The following FKTN variants were observed in gnomAD, a reference collection of about 807,000 sequenced individuals.
The protein encoded by FKTN is ribitol-5-phosphate transferase FKTN.
Under a neutral mutation model 58.6 loss-of-function variants are expected in FKTN, and 47 were observed. The ratio of observed to expected loss-of-function variants is 0.80; its 90% CI spans 0.63 to 1.02. FKTN has a LOEUF of 1.02. Among genes scored for constraint, FKTN ranks in the 50% least tolerant of loss-of-function variants. FKTN has a pLI of 0.00. For missense variants in FKTN, 516 were observed against 537.3 expected, an observed-to-expected ratio of 0.96 and a Z score of 0.39; for synonymous variants, 178 against 191.9, an observed-to-expected ratio of 0.93 and a Z score of 0.60.
Position 105,640,208 on chromosome 9 carries a change from T to C in FKTN, c.*4944T>C, listed in dbSNP as rs2133490766. 1 of 1,520,028 alleles carries C rather than the reference T, an allele frequency of 6.6e-7. No individual in the cohort carries two copies. The highest frequency in any genetic ancestry group is 8.8e-7 in the Non-Finnish European group (1 of 1,137,472). 94.2% of individuals were successfully genotyped at this position (1,520,028 alleles called of 1,614,324 possible). ...AGACTAATTCAATGGCAATACCTTT[T>C]GTATAGGTCCTGTGCTTAAAGGAGG... On this transcript the variant is annotated 3_prime_UTR_variant, in exon 11 of 11. Transcript: ENST00000357998.
At position 105,598,369 on chromosome 9, in the gene FKTN, C is replaced by T. The variant is rs577452167; in HGVS notation, c.165+1712C>T. On this transcript the variant is annotated intron_variant, in intron 4 of 10. Coordinates refer to ENST00000357998, the MANE Select transcript of FKTN (RefSeq NM_001079802.2). ...ATTGAGCCCTGGTAAAATTCTAGGGCTCAATGTTTATGGAGTTATTAAACA... is the reference window on the plus strand; with the variant it reads ...ATTGAGCCCTGGTAAAATTCTAGGGTTCAATGTTTATGGAGTTATTAAACA... 5 of 187,876 alleles carry T rather than the reference C, an allele frequency of 2.7e-5. No homozygotes were observed. In the South Asian group the frequency reaches 3.5e-4, roughly 13 times the overall value. The allele number at this position is 187,876 out of a possible 1,614,324, so 11.6% of individuals were successfully genotyped here.
chr9:105,562,919 T>C (rs1838563736), intron 1 of FKTN, among the ~76,000 whole-genome samples: 1 of 152,216 alleles, frequency 6.6e-6, no homozygotes, highest in African/African-American at 2.4e-5. Flanking sequence ...TATCATCTTA[T>C]GAACCTAAGT....
intron 10 of FKTN, among the ~76,000 whole-genome samples, chr9:105,625,972 T>C (rs1231006942): frequency 6.6e-6 from 1 of 152,224 alleles, no homozygotes; most frequent in Admixed American, 6.5e-5. Flanking sequence ...TTTTTTATTT[T>C]ATATAAACTA....
intron 1 of FKTN, among the ~76,000 whole-genome samples, chr9:105,572,272 G>A (rs958232836): frequency 6.6e-6 from 1 of 151,102 alleles, no homozygotes; most frequent in Non-Finnish European, 1.5e-5. Flanking sequence ...GCTTTATATA[G>A]TCATCAGCTC....
intron 7 of FKTN, among the ~76,000 whole-genome samples, chr9:105,609,438 T>C (rs1277953102): frequency 1.3e-5 from 2 of 152,172 alleles, no homozygotes; most frequent in African/African-American, 4.8e-5. Flanking sequence ...CTACATGTCC[T>C]AATATGAAAG....
At position 105,636,835 on chromosome 9, in the gene FKTN, A is replaced by G; in HGVS notation, c.*1571A>G. On this transcript the variant is annotated 3_prime_UTR_variant, in exon 11 of 11. Coordinates refer to ENST00000357998, the MANE Select transcript of FKTN (RefSeq NM_001079802.2). Reference sequence around the variant, plus strand: ...GACTTTTTCGAAAACAAATTAGAGAAAGTAACTTACAACCACCCATTCCGG... The same window carrying G: ...GACTTTTTCGAAAACAAATTAGAGAGAGTAACTTACAACCACCCATTCCGG... 8.2e-7 allele frequency: 1 copy of G among 1,216,858 alleles called. No individual in the cohort carries two copies. The highest frequency in any genetic ancestry group is 1.1e-6 in the Non-Finnish European group (1 of 935,442). The allele number at this position is 1,216,858 out of a possible 1,614,324, so 75.4% of individuals were successfully genotyped here. A position where few individuals can be genotyped will look rare whatever the true frequency, so the allele number is the denominator to read the frequency against.
chr9:105,576,262 A>G (rs186239685), intron 3 of FKTN, among the ~76,000 whole-genome samples: 1 of 151,236 alleles, frequency 6.6e-6, no homozygotes, highest in East Asian at 1.9e-4. Context: ...GGTGTGCTGC[A>G]CCCACTAACT....
At chr9:105,618,241 A>G (rs555562848) in intron 9 of FKTN, 149 bp downstream of exon 9, 17 of 760,190 alleles carry the variant, frequency 2.2e-5, no homozygotes, top group Non-Finnish European at 3.7e-5. Flanking sequence ...GCCTGTTACC[A>G]CTTGTAATTT....
chr9:105,619,244 G>A (rs1267627465), intron 9 of FKTN, among the ~76,000 whole-genome samples: 1 of 152,020 alleles, frequency 6.6e-6, no homozygotes, highest in African/African-American at 2.4e-5. Flanking sequence ...TCTGCACCTG[G>A]GAGACAAAGA....
At chr9:105,606,466 CT>C (rs1224177060) in intron 6 of FKTN, among the ~76,000 whole-genome samples, 1 of 151,724 alleles carries the variant, frequency 6.6e-6, no homozygotes, top group African/African-American at 2.4e-5. Context: ...TATGAAGTTT[CT>C]AACCTAGAAT....
intron 1 of FKTN, among the ~76,000 whole-genome samples, chr9:105,570,191 A>T (rs1840497670): frequency 6.6e-6 from 1 of 152,062 alleles, no homozygotes; most frequent in Non-Finnish European, 1.5e-5. Flanking sequence ...GTTCCTGCAG[A>T]ACAGAAAAGT....
intron 1 of FKTN, among the ~76,000 whole-genome samples, chr9:105,564,640 G>A (rs1340109992): frequency 6.6e-6 from 1 of 152,130 alleles, no homozygotes; most frequent in African/African-American, 2.4e-5. Flanking sequence ...AAGAAATATG[G>A]GACTATGTGA....
At chr9:105,567,183 C>A (rs62575114) in intron 1 of FKTN, among the ~76,000 whole-genome samples, 36,771 of 152,126 alleles carry the variant, frequency 0.24, 4,943 homozygotes, top group Non-Finnish European at 0.31. Flanking sequence ...AAACCCACAG[C>A]CAATATCATA....
rs1440277245 is a variant in FKTN, at chr9:105,636,716, T to C, written c.*1452T>C. ...ATATCTTATCTATGCTATTTAGGAC[T>C]ACTTTCTGGAGCTTGGCAGATTTTC... On this transcript the variant is annotated 3_prime_UTR_variant, in exon 11 of 11. Coordinates refer to ENST00000357998, the MANE Select transcript of FKTN (RefSeq NM_001079802.2). The C allele has an allele frequency of 1.5e-6, 2 of 1,298,584 alleles. No homozygotes were observed. Among genetic ancestry groups the C allele is most frequent in the Non-Finnish European group, 2.0e-6 (2 of 984,764 alleles). 80.4% of individuals were successfully genotyped at this position (1,298,584 alleles called of 1,614,324 possible).
intron 8 of FKTN, among the ~76,000 whole-genome samples, chr9:105,616,077 C>G (rs2133116354): frequency 6.6e-6 from 1 of 152,112 alleles, no homozygotes; most frequent in East Asian, 1.9e-4. Flanking sequence ...AAATCTGAGC[C>G]CTGAAAGATT....
rs17309806 is a variant in FKTN at position 105,618,074 on chromosome 9, C to A, written c.1026C>A (p.Leu342=). 462,257 of 1,606,314 alleles carry A rather than the reference C, an allele frequency of 0.29. 70,565 individuals are homozygous for A. The highest frequency in any genetic ancestry group is 0.31 in the Non-Finnish European group (369,099 of 1,172,928). Residue 342 remains leucine, a synonymous_variant, in exon 9 of 11, where the codon CTC becomes CTA. Transcript: ENST00000357998. ...CATTTCAGGATGCAGGACTTCCGCT[C>A]AAACACAAATTTGGGAAGGTCAGTA... ...ILAFQDAGLP[L]KHKFGKVEDS...
rs374371294 is a variant in FKTN, at chr9:105,596,686, A to G, written c.165+29A>G. The stretch of plus-strand genomic sequence containing the variant: ...TGTAGAATAAACAAGAAATTTCTCA[A>G]TTATAATGTTCATTTAGTTCATTCA... On this transcript the variant is annotated intron_variant, in intron 4 of 10. Transcript: ENST00000357998. 391 of 1,442,126 alleles carry G rather than the reference A, an allele frequency of 2.7e-4. No homozygotes were observed. The African/African-American group carries it at 4.6e-3, about 17-fold the overall frequency. The allele number at this position is 1,442,126 out of a possible 1,614,324, so 89.3% of individuals were successfully genotyped here.
chr9:105,575,061 T>C lies in FKTN; in HGVS notation c.29T>C (p.Leu10Ser), dbSNP rs1587865923. ...AGTAGAATCAATAAGAACGTGGTTT[T>C]GGCCCTTTTAACGCTGACAAGTTCT... Reference protein sequence around the residue: MSRINKNVVLALLTLTSSAF... With the variant: MSRINKNVVSALLTLTSSAF... The change falls in exon 3 of 11, where the codon TTG (leucine) becomes TCG (serine). Residue 10 changes from leucine to serine, a missense_variant. Leu to Ser is a moderately radical substitution (Grantham distance 145, BLOSUM62 -2). Transcript: ENST00000357998. The C allele has an allele frequency of 1.9e-6, 3 of 1,609,896 alleles. No homozygotes were observed. The highest frequency in any genetic ancestry group is 2.6e-6 in the Non-Finnish European group (3 of 1,176,226).
intron 4 of FKTN, chr9:105,596,868 A>C (rs1210957113): frequency 1.7e-6 from 1 of 572,520 alleles, no homozygotes; most frequent in Non-Finnish European, 3.1e-6. Context: ...AAGTGAGTAA[A>C]TATTGTTACT....
Sources: allele counts gnomAD v4.1 joint callset (sites outside exome capture counted in the v4.1 genomes callset), GRCh38; gene constraint gnomAD v4.1.1; transcripts MANE v1.5; gene names NCBI Gene and HGNC (gene_info 2026-07-23, HGNC 2026-07-21).